The following CDH12 variants were observed in gnomAD, a reference collection of about 807,000 sequenced individuals.
CDH12 encodes cadherin 12.
CDH12 carries 41 observed loss-of-function variants against 74.1 expected under a neutral mutation model. The observed-to-expected ratio is 0.55, with a 90% CI of 0.43 to 0.72. CDH12 has a LOEUF of 0.72. Among genes scored for constraint, CDH12 ranks in the 30% least tolerant of loss-of-function variants. The pLI is 0.00. For missense variants in CDH12, 945 were observed against 977.2 expected, an observed-to-expected ratio of 0.97 and a Z score of 0.44; for synonymous variants, 399 against 355.0, an observed-to-expected ratio of 1.12 and a Z score of -1.39.
At position 22,643,753 on chromosome 5, in the gene CDH12, TTTTTTTTC is replaced by T. The variant is rs1345518058; in HGVS notation, c.-522-138397_-522-138390del. Among the ~76,000 whole-genome samples the T allele has an allele frequency of 1.9e-4, 26 of 138,576 alleles. No individual in the cohort carries two copies. The South Asian group carries it at 3.1e-3, about 16-fold the overall frequency. The allele number at this position is 138,576 out of a possible 152,430, so 90.9% of individuals were successfully genotyped here. ...GGTATCTTTTTTTTTTTTTTTTTTT[TTTTTTTTC>T]CACAAATTGATGGTTTGTGGCAGCC... On this transcript the variant is annotated intron_variant, in intron 1 of 14. Coordinates refer to ENST00000382254, the MANE Select transcript of CDH12 (RefSeq NM_004061.5).
intron 1 of CDH12, among the ~76,000 whole-genome samples, chr5:22,651,234 C>G (rs1739720044): frequency 6.6e-6 from 1 of 152,076 alleles, no homozygotes; most frequent in Admixed American, 6.6e-5. Flanking sequence ...CCCAAACCCA[C>G]ACTTCTATAT....
At chr5:22,493,982 T>A (rs896504597) in intron 2 of CDH12, among the ~76,000 whole-genome samples, 4 of 152,016 alleles carry the variant, frequency 2.6e-5, no homozygotes, top group African/African-American at 9.7e-5. Flanking sequence ...GAGGCAGTGT[T>A]CAGGTGATCA....
intron 4 of CDH12, among the ~76,000 whole-genome samples, chr5:22,088,248 C>A (rs896209037): frequency 6.6e-6 from 1 of 152,132 alleles, no homozygotes; most frequent in Non-Finnish European, 1.5e-5. Flanking sequence ...AAATAACACT[C>A]ATTGCCAGCT....
At chr5:22,672,946 C>T (rs946986743) in intron 1 of CDH12, among the ~76,000 whole-genome samples, 5 of 152,122 alleles carry the variant, frequency 3.3e-5, no homozygotes, top group African/African-American at 9.7e-5. Context: ...CATTGCTGAG[C>T]GCTGCCTAAA....
At chr5:22,708,780 A>G (rs182824253) in intron 1 of CDH12, among the ~76,000 whole-genome samples, 18 of 152,330 alleles carry the variant, frequency 1.2e-4, no homozygotes, top group Admixed American at 1.2e-3. Flanking sequence ...AAAAATGAAT[A>G]TAAGATAAAT....
chr5:21,804,645 C>A (rs62348725), intron 9 of CDH12, among the ~76,000 whole-genome samples: 23,032 of 77,492 alleles, frequency 0.3, 2,410 homozygotes, highest in African/African-American at 0.33. Flanking sequence ...TGAATTAAAA[C>A]ACACACACAC....
intron 2 of CDH12, among the ~76,000 whole-genome samples, chr5:22,451,578 G>A (rs1745045367): frequency 6.6e-6 from 1 of 151,786 alleles, no homozygotes; most frequent in Non-Finnish European, 1.5e-5. Context: ...CATAATAAAG[G>A]CCACATATGA....
intron 5 of CDH12, among the ~76,000 whole-genome samples, chr5:22,026,267 T>G (rs1738346421): frequency 6.6e-6 from 1 of 152,076 alleles, no homozygotes; most frequent in Admixed American, 6.6e-5. Flanking sequence ...TGATCCCTAG[T>G]GGAAAGGAAC....
At chr5:22,783,622 CAT>C (rs1191769955) in intron 1 of CDH12, among the ~76,000 whole-genome samples, 1 of 152,118 alleles carries the variant, frequency 6.6e-6, no homozygotes, top group African/African-American at 2.4e-5. Flanking sequence ...ATGATTGTAA[CAT>C]ATGATGCTGT....
chr5:22,743,651 C>CTTTTATGACTTATAAAGTTACAT (rs1745147462), intron 1 of CDH12, among the ~76,000 whole-genome samples: 1 of 152,050 alleles, frequency 6.6e-6, no homozygotes, highest in African/African-American at 2.4e-5. Context: ...AGGAGTTACA[C>CTTTTATGACTTATAAAGTTACAT]ATGTTAAAAT....
Position 22,412,120 on chromosome 5 carries a change from A to G in CDH12, c.-427-6769T>C, listed in dbSNP as rs151144127. On this transcript the variant is annotated intron_variant, in intron 2 of 14. Coordinates refer to ENST00000382254, the MANE Select transcript of CDH12 (RefSeq NM_004061.5). Reference sequence around the variant, plus strand: ...CTGTCAAATTTTGATCATCTTTCCAAGAAAATAGCAGTATTCATGCCATCA... The same window carrying G: ...CTGTCAAATTTTGATCATCTTTCCAGGAAAATAGCAGTATTCATGCCATCA... Among the ~76,000 whole-genome samples the G allele has an allele frequency of 2.7e-3, 408 of 152,120 alleles. 4 individuals are homozygous for G. The highest frequency in any genetic ancestry group is 9.3e-3 in the African/African-American group (387 of 41,574).
Position 21,752,142 on chromosome 5 carries a change from G to A in CDH12, c.1980C>T (p.Tyr660=), listed in dbSNP as rs1347352032. The A allele has an allele frequency of 1.9e-6, 3 of 1,613,972 alleles. No individual in the cohort carries two copies. Among genetic ancestry groups the A allele is most frequent in the Non-Finnish European group, 2.5e-6 (3 of 1,179,954 alleles). Residue 660 remains tyrosine (Y), a synonymous_variant, in exon 15 of 15, where the codon TAC becomes TAT. Transcript: ENST00000382254. The stretch of plus-strand genomic sequence containing the variant: ...CTTCCTCCCCACCTCCTTCATCATC[G>A]TAATGGATGACGTTGTCTCTGATGT... The part of the protein sequence containing the change: ...KEDIRDNVIH[Y]DDEGGGEEDT...
rs1397110613 is a variant in CDH12, at chr5:22,190,933, C to T, written c.-187+21565G>A. On this transcript the variant is annotated intron_variant, in intron 4 of 14. Coordinates refer to ENST00000382254, the MANE Select transcript of CDH12 (RefSeq NM_004061.5). ...TCTTTAAATGTTACTCAACTCCCAC[C>T]ACTATGTATTTCGCTCCCTTGCCTC... is the stretch of plus-strand genomic sequence containing the variant. Among the ~76,000 whole-genome samples, 6 of 152,224 alleles carry T rather than the reference C, an allele frequency of 3.9e-5. No individual in the cohort carries two copies. The East Asian group carries it at 5.8e-4, about 15-fold the overall frequency.
At chr5:22,364,200 T>G (rs1309595249) in intron 3 of CDH12, among the ~76,000 whole-genome samples, 1 of 152,166 alleles carries the variant, frequency 6.6e-6, no homozygotes, top group East Asian at 1.9e-4. Flanking sequence ...CGTTTTGTCT[T>G]GTTTTAAGGA....
At chr5:22,072,530 T>TGTG (rs1742014989) in intron 5 of CDH12, among the ~76,000 whole-genome samples, 7 of 146,244 alleles carry the variant, frequency 4.8e-5, no homozygotes, top group Non-Finnish European at 4.6e-5. Flanking sequence ...TATAGCACTT[T>TGTG]TGTGTGTGTG....
intron 1 of CDH12, among the ~76,000 whole-genome samples, chr5:22,785,920 T>C (rs919530776): frequency 1.3e-5 from 2 of 152,134 alleles, no homozygotes; most frequent in African/African-American, 4.8e-5. Flanking sequence ...TCTTCAAAGA[T>C]CTAAAGACAG....
At chr5:22,580,284 A>C in intron 1 of CDH12, 1 of 386,682 alleles carries the variant, frequency 2.6e-6, no homozygotes. Context: ...TTGGATGGCA[A>C]AGAGGTCGTC....
chr5:22,684,208 G>A (rs541256031), intron 1 of CDH12, among the ~76,000 whole-genome samples: 1 of 152,008 alleles, frequency 6.6e-6, no homozygotes, highest in South Asian at 2.1e-4. Context: ...AAATTTATGG[G>A]ACACACGAGA....
intron 1 of CDH12, among the ~76,000 whole-genome samples, chr5:22,647,186 C>A (rs1300030697): frequency 6.6e-6 from 1 of 151,748 alleles, no homozygotes; most frequent in African/African-American, 2.4e-5. Context: ...CAATGTGCAA[C>A]TCACTTTGGA....
Sources: gnomAD v4.1 joint callset for allele counts (sites outside exome capture counted in the v4.1 genomes callset) on GRCh38, gnomAD v4.1.1 for gene constraint, MANE v1.5 for transcripts, NCBI Gene and HGNC (gene_info 2026-07-23, HGNC 2026-07-21) for gene names.